Variants in FAIM2 observed in about 807,000 individuals in gnomAD.
FAIM2 encodes Fas apoptotic inhibitory molecule 2.
FAIM2 carries 27 observed loss-of-function variants against 47.4 expected under a neutral mutation model. The ratio of observed to expected loss-of-function variants is 0.57; its 90% confidence interval spans 0.42 to 0.78. The LOEUF (loss-of-function observed/expected upper bound fraction) is 0.78. Among genes scored for constraint, FAIM2 ranks in the 30% least tolerant of loss-of-function variants. The pLI, the probability that FAIM2 is intolerant of heterozygous loss-of-function variation, is 0.00. For missense variants in FAIM2, 311 were observed against 389.4 expected, an observed-to-expected ratio of 0.80 and a Z score of 1.69; for synonymous variants, 156 against 159.3, an observed-to-expected ratio of 0.98 and a Z score of 0.16.
chr12:49,892,817 A>G (rs1225241154), intron 5 of FAIM2, among the ~76,000 whole-genome samples: 4 of 152,298 alleles, frequency 2.6e-5, no homozygotes, highest in Middle Eastern at 3.4e-3. Flanking sequence ...CTGGGCAGAC[A>G]TGACTATTCA....
At chr12:49,903,739 G>A in intron 1 of FAIM2, 39 bp downstream of exon 1, 1 of 1,550,950 alleles carries the variant, frequency 6.4e-7, no homozygotes, top group Non-Finnish European at 8.7e-7. Context: ...CCGGGAGCCG[G>A]AGGATGGAGG....
Position 49,870,356 on chromosome 12 carries a change from A to AGGGCT in FAIM2, c.*143_*147dup, listed in dbSNP as rs1270933848. On this transcript the variant is annotated 3_prime_UTR_variant, in exon 12 of 12. Coordinates refer to ENST00000320634, the MANE Select transcript of FAIM2 (RefSeq NM_012306.4). The stretch of plus-strand genomic sequence containing the variant: ...CCCATGGCGTATGTACAAGCGGCAG[A>AGGGCT]GGGCTGGGCTGGGCTGGGGTAGACA... The AGGGCT allele has an allele frequency of 1.4e-5, 10 of 702,406 alleles. No individual in the cohort carries two copies. Among genetic ancestry groups the AGGGCT allele is most frequent in the East Asian group, 2.6e-5 (1 of 39,126 alleles). 43.5% of individuals were successfully genotyped at this position (702,406 alleles called of 1,614,324 possible). A position where few individuals can be genotyped will look rare whatever the true frequency, so the allele number is the denominator to read the frequency against.
At chr12:49,899,580 C>CT (rs1461099179) in intron 2 of FAIM2, among the ~76,000 whole-genome samples, 2 of 152,214 alleles carry the variant, frequency 1.3e-5, no homozygotes, top group African/African-American at 4.8e-5. Flanking sequence ...TTCTTTCAGC[C>CT]TTAAACACTC....
At chr12:49,878,237 TG>T (rs1946756410) in intron 11 of FAIM2, among the ~76,000 whole-genome samples, 1 of 130,694 alleles carries the variant, frequency 7.7e-6, no homozygotes, top group Non-Finnish European at 1.6e-5. Context: ...CATGAGTGTA[TG>T]TGTGTATATG....
intron 11 of FAIM2, among the ~76,000 whole-genome samples, chr12:49,870,926 T>C (rs1946697890): frequency 6.6e-6 from 1 of 152,162 alleles, no homozygotes; most frequent in Non-Finnish European, 1.5e-5. Flanking sequence ...CTAGAGGAAG[T>C]AATTGTTAGG....
intron 11 of FAIM2, among the ~76,000 whole-genome samples, chr12:49,885,285 A>G (rs188460): frequency 0.18 from 27,161 of 152,144 alleles, 2,989 homozygotes; most frequent in African/African-American, 0.31. Context: ...CGGGAAGCCA[A>G]GTAAACTCCC....
At chr12:49,901,676 G>A (rs1411975658) in intron 1 of FAIM2, 1 of 187,038 alleles carries the variant, frequency 5.3e-6, no homozygotes, top group East Asian at 1.3e-4. Context: ...CAAATAAAAG[G>A]TTATGTCATT....
chr12:49,884,701 A>G lies in FAIM2; in HGVS notation c.801+2685T>C, dbSNP rs552469407. On this transcript the variant is annotated intron_variant, in intron 11 of 11. Coordinates refer to ENST00000320634, the MANE Select transcript of FAIM2 (RefSeq NM_012306.4). ...CATAAGAATCTGTGCCAGGACGGGC[A>G]TGGTCACTCACGCCTGTAATCCCAG... is the stretch of plus-strand genomic sequence containing the variant. Among the ~76,000 whole-genome samples the G allele has an allele frequency of 4.2e-3, 638 of 152,334 alleles. 2 individuals carry two copies. The highest frequency in any genetic ancestry group is 0.015 in the African/African-American group (611 of 41,568).
intron 7 of FAIM2, 55 bp downstream of exon 7, chr12:49,890,628 C>T: frequency 3.9e-6 from 6 of 1,553,202 alleles, no homozygotes; most frequent in South Asian, 1.1e-5. Context: ...CCCTGCTTCC[C>T]TTCTTCCTCC....
intron 11 of FAIM2, among the ~76,000 whole-genome samples, chr12:49,878,560 GTGTA>G (rs1946764126): frequency 8.2e-5 from 2 of 24,292 alleles, no homozygotes; most frequent in African/African-American, 5.8e-4. Flanking sequence ...GCATGTGTGA[GTGTA>G]TATGTTCATG....
chr12:49,887,315 G>C, intron 11 of FAIM2, 71 bp downstream of exon 11: 1 of 1,380,616 alleles, frequency 7.2e-7, no homozygotes, highest in Non-Finnish European at 1.0e-6. Context: ...AGGAAGATGG[G>C]AGGAGAAGGG....
chr12:49,878,214 G>C (rs1946755997), intron 11 of FAIM2, among the ~76,000 whole-genome samples: 1 of 135,512 alleles, frequency 7.4e-6, no homozygotes, highest in African/African-American at 2.8e-5. Flanking sequence ...GTATGTGCTT[G>C]TGTGTATATG....
rs373792713 is a variant in FAIM2 at position 49,880,105 on chromosome 12, C to T, written c.801+7281G>A. Among the ~76,000 whole-genome samples, 46 of 135,330 alleles carry T rather than the reference C, an allele frequency of 3.4e-4. 1 individual carries two copies. In the East Asian group the frequency reaches 7.7e-3, roughly 23 times the overall value. The allele number at this position is 135,330 out of a possible 152,430, so 88.8% of individuals were successfully genotyped here. On this transcript the variant is annotated intron_variant, in intron 11 of 11. Coordinates refer to ENST00000320634, the MANE Select transcript of FAIM2 (RefSeq NM_012306.4). ...ATGTGTGTGCCTGTGTGTATATGTG[C>T]GTCTGTGTATGTGTGTGCATGTGAA... is the stretch of plus-strand genomic sequence containing the variant.
chr12:49,889,591 G>C (rs745568447), intron 8 of FAIM2, 23 bp from the exon 9 acceptor site: 3 of 1,605,964 alleles, frequency 1.9e-6, no homozygotes, highest in Non-Finnish European at 2.6e-6. Flanking sequence ...AGGCCGAGGG[G>C]TCAGCTCTCA....
chr12:49,898,102 G>T lies in FAIM2; in HGVS notation c.212-12C>A. ...GCTGGAGCTGCTGCCTGTGTGGCAC[G>T]TGGAGGAGGAGGACATGAGGGTTCC... On this transcript the variant is annotated splice_polypyrimidine_tract_variant and intron_variant, in intron 2 of 11. Coordinates refer to ENST00000320634, the MANE Select transcript of FAIM2 (RefSeq NM_012306.4). 1 of 1,601,782 alleles carries T rather than the reference G, an allele frequency of 6.2e-7. No homozygotes were observed. Among genetic ancestry groups the T allele is most frequent in the Non-Finnish European group, 8.6e-7 (1 of 1,168,826 alleles).
intron 6 of FAIM2, 147 bp downstream of exon 6, chr12:49,890,917 G>T: frequency 1.1e-6 from 1 of 885,130 alleles, no homozygotes; most frequent in Non-Finnish European, 1.9e-6. Context: ...GGTAAAGGAG[G>T]GAGGGGCTGC....
chr12:49,897,705 C>T, intron 3 of FAIM2, 122 bp from the exon 4 acceptor site: 3 of 729,796 alleles, frequency 4.1e-6, no homozygotes, highest in Non-Finnish European at 6.9e-6. Flanking sequence ...TTTTGGGGGT[C>T]ATTGGAGTGA....
At position 49,890,442 on chromosome 12, in the gene FAIM2, A is replaced by T. The variant is rs914148486; in HGVS notation, c.525+241T>A. On this transcript the variant is annotated intron_variant, in intron 7 of 11. Coordinates refer to ENST00000320634, the MANE Select transcript of FAIM2 (RefSeq NM_012306.4). ...CATAGCTCTAGGATGCCTCAAGCAA[A>T]CCCCTTAAAAAATTCACAATGAAAA... Among the ~76,000 whole-genome samples, 69 of 152,254 alleles carry T rather than the reference A, an allele frequency of 4.5e-4. 1 individual carries two copies. Among genetic ancestry groups the T allele is most frequent in the Non-Finnish European group, 2.4e-4 (16 of 68,024 alleles).
At chr12:49,890,229 A>T (rs1048057436) in intron 7 of FAIM2, 75 bp from the exon 8 acceptor site, 7 of 1,361,192 alleles carry the variant, frequency 5.1e-6, no homozygotes, top group Non-Finnish European at 7.4e-6. Flanking sequence ...GGTCCAGCTC[A>T]GGTCTCCACC....
Sources: gnomAD v4.1 joint callset for allele counts (sites outside exome capture counted in the v4.1 genomes callset) on GRCh38, gnomAD v4.1.1 for gene constraint, MANE v1.5 for transcripts, NCBI Gene and HGNC (gene_info 2026-07-23, HGNC 2026-07-21) for gene names.